The following MXD3 variants were observed in gnomAD, a reference collection of about 807,000 sequenced individuals.
The protein encoded by MXD3 is Max-associated protein 3.
MXD3 carries 20 observed loss-of-function variants against 27.5 expected under a neutral mutation model. The ratio of observed to expected loss-of-function variants is 0.73; its 90% CI spans 0.51 to 1.06. The LOEUF is 1.06. Ranked by LOEUF, MXD3 falls within the 50% of genes least tolerant of loss-of-function variation. The probability of loss-of-function intolerance (pLI) is 0.00; values close to 1 mark genes in which losing one functional copy is unlikely to be tolerated. For missense variants in MXD3, 298 were observed against 291.3 expected (o/e 1.02, Z -0.17); for synonymous variants, 150 against 130.7 (o/e 1.15, Z -1.01).
intron 2 of MXD3, 49 bp from the exon 3 acceptor site, chr5:177,310,746 T>C (rs1238199976): frequency 6.2e-7 from 1 of 1,608,772 alleles, no homozygotes; most frequent in African/African-American, 1.4e-5. Flanking sequence ...CTACTGCCCA[T>C]GCCCCAATCC....
At position 177,307,913 on chromosome 5, in the gene MXD3, T is replaced by C. The variant is rs2127300767; in HGVS notation, c.373A>G (p.Ser125Gly). The change falls in exon 5 of 6, where the codon AGC becomes GGC. Residue 125 changes from serine to glycine, a missense_variant. Transcript: ENST00000439742. ...TGCCGCTGCAGGCTCTGCTGCTTGC[T>C]GCGCAGCCTCTCCTTGAGCTGTCGG... Reference protein sequence around the residue: ...RARQLKERLRSKQQSLQRQLE... With the variant: ...RARQLKERLRGKQQSLQRQLE... 6.3e-7 allele frequency: 1 copy of C among 1,596,856 alleles called. No individual in the cohort carries two copies. The highest frequency in any genetic ancestry group is 2.3e-5 in the East Asian group (1 of 44,288).
chr5:177,306,928 C>A, downstream of MXD3: 1 of 844,606 alleles, frequency 1.2e-6, no homozygotes. Flanking sequence ...AATAGACACT[C>A]AATAAATACT....
intron 4 of MXD3, among the ~76,000 whole-genome samples, chr5:177,309,347 C>T (rs1252932013): frequency 1.3e-5 from 2 of 152,156 alleles, no homozygotes; most frequent in African/African-American, 2.4e-5. Flanking sequence ...GGGAGGAGGC[C>T]GGTGAATTAA....
chr5:177,307,969 G>A lies in MXD3; in HGVS notation c.322-5C>T, dbSNP rs112329103. 1,075 of 1,535,234 alleles carry A rather than the reference G, an allele frequency of 7.0e-4. 1 individual carries two copies. Among genetic ancestry groups the A allele is most frequent in the Non-Finnish European group, 8.6e-4 (980 of 1,139,564 alleles). On this transcript the variant is annotated splice_region_variant and splice_polypyrimidine_tract_variant and intron_variant, in intron 4 of 5. Coordinates refer to ENST00000439742, the MANE Select transcript of MXD3 (RefSeq NM_031300.4). ...CTGCTCCTGATCCTCCAGCTTCTGC[G>A]GATCCCAAAGGAGCAAGGGGCTGGG...
In MXD3 at chr5:177,307,674, C is replaced by G. The variant is rs1278326855; in HGVS notation, c.535G>C (p.Val179Leu). Residue 179 changes from valine to leucine, a missense_variant, in exon 6 of 6, where the codon GTG becomes CTG. Transcript: ENST00000439742. ...EELEVDVESLVFGGEAELLRG... is the reference protein window; with the variant it reads ...EELEVDVESLLFGGEAELLRG... ...AGCAGCTCGGCCTCACCCCCAAACA[C>G]CAGGCTCTCCACATCCACCTCCAGC... The G allele has an allele frequency of 6.2e-7, 1 of 1,613,706 alleles. No homozygotes were observed. Among genetic ancestry groups the G allele is most frequent in the Admixed American group, 1.7e-5 (1 of 60,030 alleles).
rs771117662 is a variant in MXD3 at position 177,307,664 on chromosome 5, C to T, written c.545G>A (p.Gly182Asp). The change falls in exon 6 of 6, where the codon GGT becomes GAT. Residue 182 changes from glycine to aspartate, a missense_variant. Physicochemically the swap from Gly to Asp is moderately conservative, Grantham distance 94. Coordinates refer to ENST00000439742, the MANE Select transcript of MXD3 (RefSeq NM_031300.4). Reference protein sequence around the residue: ...EVDVESLVFGGEAELLRGFVA... With the variant: ...EVDVESLVFGDEAELLRGFVA... ...GAAGCCCCGCAGCAGCTCGGCCTCA[C>T]CCCCAAACACCAGGCTCTCCACATC... is the stretch of plus-strand genomic sequence containing the variant. 5 of 1,613,604 alleles carry T rather than the reference C, an allele frequency of 3.1e-6. No individual in the cohort carries two copies. The highest frequency in any genetic ancestry group is 2.2e-5 in the South Asian group (2 of 91,086).
upstream of MXD3, chr5:177,312,488 G>T (rs1037271998): frequency 7.1e-6 from 7 of 985,332 alleles, no homozygotes; most frequent in African/African-American, 1.2e-4. Flanking sequence ...GCGATGGGGC[G>T]GGGTTGAGAG....
chr5:177,307,284 G>C lies in MXD3; in HGVS notation c.*304C>G, dbSNP rs558042155. 124 of 1,551,326 alleles carry C rather than the reference G, an allele frequency of 8.0e-5. 1 individual carries two copies. The African/African-American group carries it at 1.6e-3, about 20-fold the overall frequency. On this transcript the variant is annotated 3_prime_UTR_variant, in exon 6 of 6. Coordinates refer to ENST00000439742, the MANE Select transcript of MXD3 (RefSeq NM_031300.4). ...AGGCAGGGGGCCTTGTCCAGGAAGG[G>C]AAGAGGCCCAAGAGGCTTCCTGTCC...
In MXD3 at chr5:177,307,501, G is replaced by A. The variant is rs1581588807; in HGVS notation, c.*87C>T. 6.4e-7 allele frequency: 1 copy of A among 1,556,364 alleles called. No individual in the cohort carries two copies. The highest frequency in any genetic ancestry group is 2.4e-5 in the East Asian group (1 of 41,532). On this transcript the variant is annotated 3_prime_UTR_variant, in exon 6 of 6. Coordinates refer to ENST00000439742, the MANE Select transcript of MXD3 (RefSeq NM_031300.4). The stretch of plus-strand genomic sequence containing the variant: ...AGTCCATTCCAACAGGTGACTCCGA[G>A]CAGCCCTGAAGGCTTGGGGAGGGCT...
rs765337183 is a variant in MXD3, at chr5:177,311,827, C to A, written c.4G>T (p.Glu2Ter). The A allele has an allele frequency of 1.9e-6, 3 of 1,611,884 alleles. No homozygotes were observed. The highest frequency in any genetic ancestry group is 2.2e-5 in the East Asian group (1 of 44,774). Residue 2 changes from glutamate (E) to a stop codon, truncating the protein, a stop_gained, in exon 1 of 6, where the codon GAA (glutamate) becomes TAA (stop). Coordinates refer to ENST00000439742, the MANE Select transcript of MXD3 (RefSeq NM_031300.4). LOFTEE classifies it high-confidence loss of function. ...ACCTGGATGTTGCTGGCCAAGGGTT[C>A]CATGTCGGCGACAGCTGGCGGCGGG... M[E>*]PLASNIQVLL...
chr5:177,307,033 A>T, downstream of MXD3: 1 of 1,446,618 alleles, frequency 6.9e-7, no homozygotes, highest in African/African-American at 1.4e-5. Context: ...CACGTCACTC[A>T]GCCTCATTTC....
Position 177,307,609 on chromosome 5 carries a change from G to A in MXD3, c.600C>T (p.His200=), listed in dbSNP as rs150522539. The change falls in exon 6 of 6, where the codon CAC becomes CAT. Residue 200 remains histidine, a synonymous_variant. Coordinates refer to ENST00000439742, the MANE Select transcript of MXD3 (RefSeq NM_031300.4). The part of the protein sequence containing the change: ...FVAGQEHSYS[H]GGGAWL ...AACATCATAGCCAGGCGCCGCCGCCGTGCGAGTAGCTGTGCTCCTGGCCGG... is the reference window on the plus strand; with the variant it reads ...AACATCATAGCCAGGCGCCGCCGCCATGCGAGTAGCTGTGCTCCTGGCCGG... 94 of 1,612,770 alleles carry A rather than the reference G, an allele frequency of 5.8e-5. No individual in the cohort carries two copies. Among genetic ancestry groups the A allele is most frequent in the East Asian group, 4.7e-4 (21 of 44,898 alleles).
upstream of MXD3, chr5:177,312,279 G>A (rs993048293): frequency 2.5e-5 from 25 of 986,736 alleles, no homozygotes; most frequent in African/African-American, 3.8e-4. Flanking sequence ...GCCGCTGCAC[G>A]TGGGTGCCGC....
intron 4 of MXD3, among the ~76,000 whole-genome samples, chr5:177,308,435 C>G (rs1240050936): frequency 6.6e-6 from 1 of 151,904 alleles, no homozygotes; most frequent in Non-Finnish European, 1.5e-5. Flanking sequence ...TGCAGTGGCA[C>G]AATCTCGGCT....
chr5:177,306,423 C>G (rs374141318), downstream of MXD3: 3 of 1,614,064 alleles, frequency 1.9e-6, no homozygotes, highest in Non-Finnish European at 2.5e-6. Context: ...TCGCGACAGG[C>G]GAGGCCCCTT....
chr5:177,311,932 G>A, upstream of MXD3: 1 of 1,374,538 alleles, frequency 7.3e-7, no homozygotes, highest in Non-Finnish European at 9.5e-7. Context: ...CAAACACAGG[G>A]GCCCGCCCCG....
chr5:177,307,522 G>T lies in MXD3; in HGVS notation c.*66C>A. The stretch of plus-strand genomic sequence containing the variant: ...CCGAGCAGCCCTGAAGGCTTGGGGA[G>T]GGCTCCTGCCTGGCAAGTGGGCCTG... On this transcript the variant is annotated 3_prime_UTR_variant, in exon 6 of 6. Transcript: ENST00000439742. The T allele has an allele frequency of 6.3e-7, 1 of 1,579,202 alleles. No homozygotes were observed. Among genetic ancestry groups the T allele is most frequent in the Non-Finnish European group, 8.6e-7 (1 of 1,164,954 alleles).
chr5:177,310,651 G>C lies in MXD3; in HGVS notation c.206+17C>G, dbSNP rs1343533668. ...GCCCCTGGGGGCTGGCGCTGTCAGG[G>C]CAGGACTGGGACTCACCTGCGCTTC... On this transcript the variant is annotated intron_variant, in intron 3 of 5. Transcript: ENST00000439742. The C allele has an allele frequency of 6.2e-7, 1 of 1,614,202 alleles. No individual in the cohort carries two copies. Among genetic ancestry groups the C allele is most frequent in the South Asian group, 1.1e-5 (1 of 91,078 alleles).
rs577734662 is a variant in MXD3, at chr5:177,307,942, C to T, written c.344G>A (p.Arg115Gln). The change falls in exon 5 of 6, where the codon CGG becomes CAG. Residue 115 changes from arginine to glutamine, a missense_variant. Arg to Gln is a conservative substitution (Grantham distance 43). Coordinates refer to ENST00000439742, the MANE Select transcript of MXD3 (RefSeq NM_031300.4). ...CAGCCTCTCCTTGAGCTGTCGGGCC[C>T]GCTGCTCCTGATCCTCCAGCTTCTG... ...HIQKLEDQEQRARQLKERLRS... is the reference protein window; with the variant it reads ...HIQKLEDQEQQARQLKERLRS... 1.6e-5 allele frequency: 25 copies of T among 1,572,200 alleles called. No individual in the cohort carries two copies. Among genetic ancestry groups the T allele is most frequent in the South Asian group, 1.3e-4 (11 of 85,958 alleles).
Sources: gnomAD v4.1 joint callset for allele counts (sites outside exome capture counted in the v4.1 genomes callset) on GRCh38, gnomAD v4.1.1 for gene constraint, MANE v1.5 for transcripts, NCBI Gene and HGNC (gene_info 2026-07-23, HGNC 2026-07-21) for gene names.